The following ST6GALNAC6 variants were observed in gnomAD, a reference collection of about 807,000 sequenced individuals.
ST6GALNAC6 encodes the protein alpha-N-acetylgalactosaminide alpha-2,6-sialyltransferase 6.
Under a neutral mutation model 34.3 loss-of-function variants are expected in ST6GALNAC6, and 19 were observed. The ratio of observed to expected loss-of-function variants is 0.55; its 90% CI spans 0.39 to 0.81. The LOEUF (loss-of-function observed/expected upper bound fraction) is 0.81. Ranked by LOEUF, ST6GALNAC6 falls within the 40% of genes least tolerant of loss-of-function variation. The pLI, the probability that ST6GALNAC6 is intolerant of heterozygous loss-of-function variation, is 0.00. For synonymous variants in ST6GALNAC6, 185 were observed against 182.1 expected (o/e 1.02, Z -0.13); for missense variants, 377 against 467.7 (o/e 0.81, Z 1.79).
chr9:127,886,942 G>A (rs1419181158), intron 6 of ST6GALNAC6, among the ~76,000 whole-genome samples, 154 bp from the exon 7 acceptor site: 8 of 149,258 alleles, frequency 5.4e-5, no homozygotes, highest in Non-Finnish European at 1.2e-4. Context: ...GTGCAGGGTA[G>A]ACTAGGTGTG....
chr9:127,887,721 T>G, intron 5 of ST6GALNAC6, 130 bp from the exon 6 acceptor site: 1 of 707,796 alleles, frequency 1.4e-6, no homozygotes, highest in Middle Eastern at 2.8e-4. Context: ...CCCACTTTGG[T>G]TACCCCAAGT....
At position 127,890,792 on chromosome 9, in the gene ST6GALNAC6, C is replaced by G. The variant is rs1277666816; in HGVS notation, c.549G>C (p.Trp183Cys). 6.2e-7 allele frequency: 1 copy of G among 1,612,672 alleles called. No individual in the cohort carries two copies. The highest frequency in any genetic ancestry group is 1.3e-5 in the African/African-American group (1 of 74,936). The part of the protein sequence containing the change: ...NRTPETVFIF[W>C]GPPSKMQKPQ... ...GCTTCTGCATCTTGCTCGGGGGCCCCCAGAAGATGAACACGGTTTCAGGGG... is the reference window on the plus strand; with the variant it reads ...GCTTCTGCATCTTGCTCGGGGGCCCGCAGAAGATGAACACGGTTTCAGGGG... The change falls in exon 5 of 7, where the codon TGG (tryptophan) becomes TGC (cysteine). Residue 183 changes from tryptophan (W) to cysteine (C), a missense_variant. Trp to Cys is a radical substitution (Grantham distance 215, BLOSUM62 -2). Transcript: ENST00000373146. The surrounding 1 kb of genome is among the most constrained non-coding windows in gnomAD (Gnocchi z 4.3).
In ST6GALNAC6 at chr9:127,899,552, G is replaced by T; in HGVS notation, c.-79C>A. On this transcript the variant is annotated 5_prime_UTR_variant, in exon 1 of 7. Coordinates refer to ENST00000373146, the MANE Select transcript of ST6GALNAC6 (RefSeq NM_013443.5). ...CCGCGGCCCCCGAGCCCCCTCACAT[G>T]GCGCCGGGAGCCGAGCGCCGGGGTC... The T allele has an allele frequency of 2.7e-5, 26 of 980,936 alleles. No individual in the cohort carries two copies. Among genetic ancestry groups the T allele is most frequent in the Non-Finnish European group, 3.1e-5 (26 of 828,142 alleles). 60.8% of individuals were successfully genotyped at this position (980,936 alleles called of 1,614,324 possible). A position where few individuals can be genotyped will look rare whatever the true frequency, so the allele number is the denominator to read the frequency against.
At chr9:127,887,962 A>G (rs1214692353) in intron 5 of ST6GALNAC6, among the ~76,000 whole-genome samples, 3 of 152,212 alleles carry the variant, frequency 2.0e-5, no homozygotes, top group Admixed American at 6.5e-5. Context: ...GACTAATCAG[A>G]TAAGTTCATG....
chr9:127,905,583 G>T, upstream of ST6GALNAC6: 1 of 307,336 alleles, frequency 3.3e-6, no homozygotes, highest in Non-Finnish European at 4.8e-6. Context: ...CCAGGATGAG[G>T]CAGGGAGTAG....
At chr9:127,905,207 C>T in exon 1 of ST6GALNAC6, 1 of 985,520 alleles carries the variant, frequency 1.0e-6, no homozygotes, top group South Asian at 4.7e-5. Flanking sequence ...CTGGGCTCAC[C>T]TCAAGGAAGC....
At chr9:127,899,323 C>T in intron 1 of ST6GALNAC6, 180 bp downstream of exon 1, 1 of 206,154 alleles carries the variant, frequency 4.9e-6, no homozygotes, top group South Asian at 1.7e-4. Context: ...AGACCCTGGG[C>T]GCGAGGACCG....
chr9:127,886,240 G>C lies in ST6GALNAC6; in HGVS notation c.*359C>G, dbSNP rs913982. On this transcript the variant is annotated 3_prime_UTR_variant, in exon 7 of 7. Transcript: ENST00000373146. ...TTGGGACAGGACCCCATTATCCCAG[G>C]AGAGTGGGGAGTGATTGGGGGGTCC... 408,108 of 408,526 alleles carry C rather than the reference G, an allele frequency of 1. 203,847 individuals carry two copies. Among genetic ancestry groups the C allele is most frequent in the Middle Eastern group, 1 (1,630 of 1,630 alleles). The allele number at this position is 408,526 out of a possible 1,614,324, so 25.3% of individuals were successfully genotyped here.
At chr9:127,888,358 G>T (rs1564483074) in intron 5 of ST6GALNAC6, among the ~76,000 whole-genome samples, 3 of 151,696 alleles carry the variant, frequency 2.0e-5, no homozygotes, top group Non-Finnish European at 4.4e-5. Flanking sequence ...ACAAAAATTA[G>T]CCAGGCATGG....
chr9:127,899,827 G>A (rs1423883568), upstream of ST6GALNAC6, among the ~76,000 whole-genome samples: 1 of 152,190 alleles, frequency 6.6e-6, no homozygotes, highest in African/African-American at 2.4e-5. Context: ...TCGGCTCCCT[G>A]CAGTGTGGAT....
At chr9:127,892,951 G>A (rs1830235801) in intron 4 of ST6GALNAC6, among the ~76,000 whole-genome samples, 2 of 152,098 alleles carry the variant, frequency 1.3e-5, no homozygotes, top group Non-Finnish European at 1.5e-5. Context: ...AAATTCTGGG[G>A]GAGGCAGATT....
upstream of ST6GALNAC6, chr9:127,899,686 C>A: frequency 3.1e-6 from 3 of 983,488 alleles, no homozygotes; most frequent in Non-Finnish European, 3.6e-6. Flanking sequence ...CTCGGGGCCG[C>A]GGGTGGCTCC....
At chr9:127,889,039 A>C (rs528729776) in intron 5 of ST6GALNAC6, among the ~76,000 whole-genome samples, 1 of 152,288 alleles carries the variant, frequency 6.6e-6, no homozygotes, top group East Asian at 1.9e-4. Flanking sequence ...GGAAAATCCC[A>C]AAGAGTCTAC....
chr9:127,886,204 T>A lies in ST6GALNAC6; in HGVS notation c.*395A>T. The A allele has an allele frequency of 3.1e-6, 1 of 324,266 alleles. No individual in the cohort carries two copies. The highest frequency in any genetic ancestry group is 5.6e-6 in the Non-Finnish European group (1 of 179,062). 20.1% of individuals were successfully genotyped at this position (324,266 alleles called of 1,614,324 possible). ...TGGAAATTGAGGGGGCAACACCAAG[T>A]TCCCAGCTCCTTGGGACAGGACCCC... On this transcript the variant is annotated 3_prime_UTR_variant, in exon 7 of 7. Transcript: ENST00000373146.
intron 2 of ST6GALNAC6, chr9:127,896,847 G>C (rs1298915446): frequency 1.0e-6 from 1 of 985,124 alleles, no homozygotes; most frequent in East Asian, 1.1e-4. Context: ...CATCCCCCCA[G>C]GCTAAGAGCT....
Position 127,890,765 on chromosome 9 carries a change from G to A in ST6GALNAC6, c.576C>T (p.Pro192=). Residue 192 remains proline (P), a synonymous_variant, in exon 5 of 7, where the codon CCC becomes CCT. Coordinates refer to ENST00000373146, the MANE Select transcript of ST6GALNAC6 (RefSeq NM_013443.5). The surrounding 1 kb of genome is among the most constrained non-coding windows in gnomAD (Gnocchi z 4.3). ...GGATCACACGCACGAGGCTGCCCTG[G>A]GGCTTCTGCATCTTGCTCGGGGGCC... ...FWGPPSKMQK[P]QGSLVRVIQR... 1 of 1,612,620 alleles carries A rather than the reference G, an allele frequency of 6.2e-7. No individual in the cohort carries two copies. Among genetic ancestry groups the A allele is most frequent in the African/African-American group, 1.3e-5 (1 of 75,036 alleles).
chr9:127,888,715 A>T (rs1441323240), intron 5 of ST6GALNAC6, among the ~76,000 whole-genome samples: 1 of 152,126 alleles, frequency 6.6e-6, no homozygotes, highest in Non-Finnish European at 1.5e-5. Context: ...CTGAGGCAGG[A>T]GAATCGCTTG....
chr9:127,902,204 G>A (rs144337487), upstream of ST6GALNAC6, among the ~76,000 whole-genome samples: 755 of 152,284 alleles, frequency 5.0e-3, 37 homozygotes, highest in East Asian at 0.12. Flanking sequence ...TGTCACCCAG[G>A]CTGGAGTGCA....
chr9:127,888,521 A>T (rs1829926841), intron 5 of ST6GALNAC6, among the ~76,000 whole-genome samples: 1 of 150,708 alleles, frequency 6.6e-6, no homozygotes, highest in Admixed American at 6.6e-5. Flanking sequence ...AAAAAAAAAA[A>T]AAATAGGCCG....
Sources: allele counts gnomAD v4.1 joint callset (sites outside exome capture counted in the v4.1 genomes callset), GRCh38; gene constraint gnomAD v4.1.1; non-coding constraint Gnocchi (gnomAD v3.1); transcripts MANE v1.5; gene names NCBI Gene and HGNC (gene_info 2026-07-23, HGNC 2026-07-21).